PTPRD: variants seen among roughly 807,000 people sequenced by gnomAD.
PTPRD encodes receptor-type tyrosine-protein phosphatase delta.
Under a neutral mutation model 214.5 loss-of-function variants are expected in PTPRD, and 34 were observed. The ratio of observed to expected loss-of-function variants is 0.16; its 90% CI spans 0.12 to 0.21. PTPRD has a LOEUF of 0.21. Ranked by LOEUF, PTPRD falls within the 10% of genes least tolerant of loss-of-function variation. The pLI is 1.00. For missense variants in PTPRD, 2,545 were observed against 2,398.7 expected (o/e 1.06, Z -1.27); for synonymous variants, 1,128 against 845.7 (o/e 1.33, Z -5.79).
chr9:8,601,207 T>C (rs758987033), intron 14 of PTPRD, among the ~76,000 whole-genome samples: 1 of 152,158 alleles, frequency 6.6e-6, no homozygotes, highest in Non-Finnish European at 1.5e-5. Context: ...TATGGCTTTA[T>C]TGCCAGCCCA....
intron 9 of PTPRD, among the ~76,000 whole-genome samples, chr9:9,340,154 T>C (rs1323515674): frequency 1.3e-5 from 2 of 152,114 alleles, no homozygotes; most frequent in Non-Finnish European, 2.9e-5. Context: ...AGTAAAGTGA[T>C]ACTGACTGAT....
chr9:9,024,025 A>C (rs2154371614), intron 10 of PTPRD, among the ~76,000 whole-genome samples: 1 of 151,988 alleles, frequency 6.6e-6, no homozygotes, highest in Admixed American at 6.6e-5. Context: ...TATAATCACC[A>C]TTGAAATTTA....
chr9:10,147,999 C>T (rs1357403360), intron 3 of PTPRD, among the ~76,000 whole-genome samples: 2 of 152,186 alleles, frequency 1.3e-5, no homozygotes, highest in African/African-American at 2.4e-5. Context: ...CTTTGATCCA[C>T]GTTTTGTTTC....
chr9:9,328,677 G>A (rs141795646), intron 9 of PTPRD, among the ~76,000 whole-genome samples: 13 of 111,086 alleles, frequency 1.2e-4, no homozygotes, highest in Admixed American at 4.7e-4. Flanking sequence ...TTGCTCTGTC[G>A]CCCAGGCTGG....
At chr9:10,124,722 G>T (rs935094740) in intron 3 of PTPRD, among the ~76,000 whole-genome samples, 1 of 152,148 alleles carries the variant, frequency 6.6e-6, no homozygotes, top group Admixed American at 6.5e-5. Flanking sequence ...TTCTGCTAAT[G>T]TTGTAATAAT....
chr9:9,414,804 G>A (rs1218908322), intron 8 of PTPRD: 2 of 152,154 alleles, frequency 1.3e-5, no homozygotes, highest in Non-Finnish European at 2.9e-5. Flanking sequence ...CTGAGAATAA[G>A]ACAGGCATGC....
chr9:9,645,247 T>C lies in PTPRD; in HGVS notation c.-286-70466A>G, dbSNP rs539699539. 4.6e-5 allele frequency among the ~76,000 whole-genome samples: 7 copies of C among 152,282 alleles called. No individual in the cohort carries two copies. The East Asian group carries it at 1.4e-3, about 29-fold the overall frequency. On this transcript the variant is annotated intron_variant, in intron 7 of 45. Coordinates refer to ENST00000381196, the MANE Select transcript of PTPRD (RefSeq NM_002839.4). ...CCTTGTGGGCCCTTGGGTGAGTTAC[T>C]TAAGTCACTGAGTTTCAGTTTTGTC...
intron 3 of PTPRD, among the ~76,000 whole-genome samples, chr9:10,094,315 A>G (rs2098461814): frequency 6.6e-6 from 1 of 151,260 alleles, no homozygotes; most frequent in Admixed American, 6.6e-5. Context: ...CTCACAAGTC[A>G]GAGTCACTGG....
At chr9:9,997,492 T>C (rs973122456) in intron 4 of PTPRD, among the ~76,000 whole-genome samples, 1 of 152,082 alleles carries the variant, frequency 6.6e-6, no homozygotes, top group Non-Finnish European at 1.5e-5. Flanking sequence ...TTTTTCCAAG[T>C]TGGTCAGGCT....
intron 3 of PTPRD, among the ~76,000 whole-genome samples, chr9:10,213,329 G>C (rs1360412608): frequency 6.6e-6 from 1 of 152,052 alleles, no homozygotes; most frequent in African/African-American, 2.4e-5. Context: ...TGTGGCCCAG[G>C]ATAATCAGGG....
chr9:9,279,237 T>TA, intron 9 of PTPRD, among the ~76,000 whole-genome samples: 1 of 150,184 alleles, frequency 6.7e-6, no homozygotes, highest in East Asian at 2.0e-4. Flanking sequence ...TATGCATATA[T>TA]CTATATAAGA....
chr9:9,432,621 C>A (rs2083633783), intron 8 of PTPRD, among the ~76,000 whole-genome samples: 2 of 152,104 alleles, frequency 1.3e-5, no homozygotes, highest in South Asian at 2.1e-4. Flanking sequence ...ACAGTGCAGA[C>A]CCATGCCTCT....
In PTPRD at chr9:10,103,672, T is replaced by G. The variant is rs2098594127; in HGVS notation, c.-544-69882A>C. On this transcript the variant is annotated intron_variant, in intron 3 of 45. Coordinates refer to ENST00000381196, the MANE Select transcript of PTPRD (RefSeq NM_002839.4). ...TCTCTCCTTGATCCCTCCCCACCAC[T>G]GAGTTCTATTAGATATTTTCTATTT... Among the ~76,000 whole-genome samples the G allele has an allele frequency of 2.0e-5, 3 of 151,442 alleles. No individual in the cohort carries two copies. The South Asian group carries it at 6.2e-4, about 31-fold the overall frequency.
intron 8 of PTPRD, among the ~76,000 whole-genome samples, chr9:9,524,259 T>C (rs1429469139): frequency 1.3e-5 from 2 of 152,046 alleles, no homozygotes; most frequent in Non-Finnish European, 2.9e-5. Context: ...AGTTTGTTTC[T>C]TTCCTCCTTT....
intron 7 of PTPRD, among the ~76,000 whole-genome samples, chr9:9,651,963 T>C (rs970942141): frequency 6.6e-6 from 1 of 150,538 alleles, no homozygotes; most frequent in Non-Finnish European, 1.5e-5. Context: ...GCCTCCCAAG[T>C]AGCTGGGACC....
chr9:10,446,217 G>A (rs1050546061), intron 2 of PTPRD, among the ~76,000 whole-genome samples: 1 of 152,018 alleles, frequency 6.6e-6, no homozygotes, highest in East Asian at 1.9e-4. Flanking sequence ...AGTCATATTT[G>A]ACAGCTTTGA....
At chr9:10,156,910 T>C (rs1450038489) in intron 3 of PTPRD, among the ~76,000 whole-genome samples, 1 of 152,232 alleles carries the variant, frequency 6.6e-6, no homozygotes, top group Non-Finnish European at 1.5e-5. Flanking sequence ...CTTTTTTCTT[T>C]GTTGGCTTAA....
At chr9:9,422,086 T>C (rs2079032041) in intron 8 of PTPRD, among the ~76,000 whole-genome samples, 1 of 152,178 alleles carries the variant, frequency 6.6e-6, no homozygotes, top group Admixed American at 6.6e-5. Context: ...AGAATATCTG[T>C]AAACATGTTT....
intron 11 of PTPRD, among the ~76,000 whole-genome samples, chr9:8,777,914 C>G (rs1381169035): frequency 6.6e-6 from 1 of 152,156 alleles, no homozygotes; most frequent in Non-Finnish European, 1.5e-5. Flanking sequence ...ATCCTCTATA[C>G]AACAGAAGAA....
Sources: gnomAD v4.1 joint callset for allele counts (sites outside exome capture counted in the v4.1 genomes callset) on GRCh38, gnomAD v4.1.1 for gene constraint, MANE v1.5 for transcripts, NCBI Gene and HGNC (gene_info 2026-07-23, HGNC 2026-07-21) for gene names.